The following ZNF346 variants were observed in gnomAD, a reference collection of about 807,000 sequenced individuals.
ZNF346 encodes zinc finger protein 346.
A neutral mutation model predicts 33.7 loss-of-function variants in ZNF346; 23 were observed. That is an observed-to-expected ratio of 0.68 (90% confidence interval 0.49 to 0.97). ZNF346 has a LOEUF of 0.97. Ranked by LOEUF, ZNF346 falls within the 50% of genes least tolerant of loss-of-function variation. The pLI is 0.00. For missense variants in ZNF346, 340 were observed against 371.1 expected (o/e 0.92, Z 0.69); for synonymous variants, 134 against 142.4 (o/e 0.94, Z 0.42).
downstream of ZNF346, among the ~76,000 whole-genome samples, chr5:177,070,518 A>C (rs571175457): frequency 6.6e-6 from 1 of 152,182 alleles, no homozygotes; most frequent in African/African-American, 2.4e-5. Flanking sequence ...GCTAAGGTTC[A>C]GATCCCAGCT....
intron 6 of ZNF346, 107 bp downstream of exon 6, chr5:177,062,258 T>G: frequency 1.2e-6 from 1 of 848,806 alleles, no homozygotes; most frequent in Non-Finnish European, 1.9e-6. Flanking sequence ...CTGGCAGTCT[T>G]TTTTCAGTGA....
At chr5:177,027,006 C>T (rs951347708) in intron 1 of ZNF346, among the ~76,000 whole-genome samples, 1 of 152,084 alleles carries the variant, frequency 6.6e-6, no homozygotes, top group African/African-American at 2.4e-5. Flanking sequence ...ATTTTAATAT[C>T]TCTCTGGGCC....
rs1561951124 is a variant in ZNF346, at chr5:177,022,897, G to T, written c.159G>T (p.Pro53=). ...GGGAAGCCGTGTCCGGTGCCCAGCCGGTGGGTAGAGAGGAAGGTGAGTCGG... is the reference window on the plus strand; with the variant it reads ...GGGAAGCCGTGTCCGGTGCCCAGCCTGTGGGTAGAGAGGAAGGTGAGTCGG... The part of the protein sequence containing the change: ...RLWEAVSGAQ[P]VGREEVEHMI... Residue 53 remains proline, a synonymous_variant, in exon 1 of 7, where the codon CCG becomes CCT. Transcript: ENST00000358149. 6.7e-7 allele frequency: 1 copy of T among 1,495,166 alleles called. No homozygotes were observed. Among genetic ancestry groups the T allele is most frequent in the East Asian group, 2.5e-5 (1 of 39,778 alleles). 92.6% of individuals were successfully genotyped at this position (1,495,166 alleles called of 1,614,324 possible).
At position 177,067,107 on chromosome 5, in the gene ZNF346, G is replaced by A. The variant is rs145249138; in HGVS notation, c.*2508G>A. Reference sequence around the variant, plus strand: ...ATTTTAAAAGAAGGTAGCCAGGTGTGGTGGTGCATTCCTGTAGTCCTGGCT... The same window carrying A: ...ATTTTAAAAGAAGGTAGCCAGGTGTAGTGGTGCATTCCTGTAGTCCTGGCT... On this transcript the variant is annotated 3_prime_UTR_variant, in exon 7 of 7. Transcript: ENST00000358149. 5.5e-3 allele frequency among the ~76,000 whole-genome samples: 837 copies of A among 152,184 alleles called. 4 individuals are homozygous for A. Among genetic ancestry groups the A allele is most frequent in the Non-Finnish European group, 8.1e-3 (549 of 67,988 alleles).
At chr5:177,053,328 A>AC (rs1781219361) in intron 5 of ZNF346, among the ~76,000 whole-genome samples, 1 of 151,426 alleles carries the variant, frequency 6.6e-6, no homozygotes, top group African/African-American at 2.4e-5. Flanking sequence ...AAAAAAAAAA[A>AC]AAAAAAAAAA....
chr5:177,042,503 C>T (rs111387195), intron 3 of ZNF346, among the ~76,000 whole-genome samples: 1 of 151,554 alleles, frequency 6.6e-6, no homozygotes, highest in Non-Finnish European at 1.5e-5. Context: ...GTGAACTTCC[C>T]CCATAAAGTA....
Position 177,050,812 on chromosome 5 carries a change from T to G in ZNF346, c.579T>G (p.Thr193=). 1.9e-6 allele frequency: 3 copies of G among 1,614,184 alleles called. No individual in the cohort carries two copies. The highest frequency in any genetic ancestry group is 2.5e-6 in the Non-Finnish European group (3 of 1,180,026). Residue 193 remains threonine, a synonymous_variant, in exon 5 of 7, where the codon ACT becomes ACG. Coordinates refer to ENST00000358149, the MANE Select transcript of ZNF346 (RefSeq NM_012279.4). The part of the protein sequence containing the change: ...PDKFCSLCHA[T]FNDPVMAQQH... Reference sequence around the variant, plus strand: ...AGTTCTGCAGCCTCTGCCATGCAACTTTCAACGACCCTGTCATGGCTCAAC... The same window carrying G: ...AGTTCTGCAGCCTCTGCCATGCAACGTTCAACGACCCTGTCATGGCTCAAC...
chr5:177,049,000 G>A (rs1780496311), intron 4 of ZNF346, among the ~76,000 whole-genome samples: 1 of 151,730 alleles, frequency 6.6e-6, no homozygotes, highest in Non-Finnish European at 1.5e-5. Flanking sequence ...TGGCCAGGCT[G>A]GTCTCAGAAC....
chr5:177,077,100 TAGTC>T lies in ZNF346; in HGVS notation c.*3-2279_*3-2276del, dbSNP rs1257844461. Among the ~76,000 whole-genome samples the T allele has an allele frequency of 3.9e-5, 6 of 152,166 alleles. No individual in the cohort carries two copies. The highest frequency in any genetic ancestry group is 6.5e-5 in the Admixed American group (1 of 15,278). ...TGAATAATTTTTTCTTTAACACCAA[TAGTC>T]AGCCAAATATTTGTTATGTAAAGTC... On this transcript the variant is annotated intron_variant, in intron 8 of 8. Transcript: ENST00000503039. The surrounding 1 kb of genome is among the most constrained non-coding windows in gnomAD (Gnocchi z 5.0).
chr5:177,024,343 T>C (rs1341473711), intron 1 of ZNF346, among the ~76,000 whole-genome samples: 1 of 151,478 alleles, frequency 6.6e-6, no homozygotes, highest in Non-Finnish European at 1.5e-5. Flanking sequence ...GATTACAGGC[T>C]GCTGCCATGA....
intron 5 of ZNF346, among the ~76,000 whole-genome samples, chr5:177,060,394 G>A (rs973954886): frequency 4.6e-5 from 7 of 151,806 alleles, no homozygotes; most frequent in Admixed American, 3.9e-4. Flanking sequence ...GGTGGTGCAC[G>A]CCTGTAATGC....
chr5:177,048,239 G>A (rs902324873), intron 4 of ZNF346, among the ~76,000 whole-genome samples: 3 of 152,130 alleles, frequency 2.0e-5, no homozygotes, highest in African/African-American at 7.2e-5. Context: ...CACTTCTGAT[G>A]CTTCTGTTCA....
chr5:177,033,940 A>C (rs1581811042), intron 1 of ZNF346, among the ~76,000 whole-genome samples: 1 of 152,330 alleles, frequency 6.6e-6, no homozygotes, highest in East Asian at 1.9e-4. Flanking sequence ...GGAGCATAGC[A>C]GTGCAATCCT....
At chr5:177,034,256 A>G (rs942585437) in intron 1 of ZNF346, among the ~76,000 whole-genome samples, 1 of 147,556 alleles carries the variant, frequency 6.8e-6, no homozygotes, top group African/African-American at 2.6e-5. Context: ...CCCAGGATGG[A>G]GGCTGAAGTG....
intron 3 of ZNF346, among the ~76,000 whole-genome samples, chr5:177,043,763 TA>T (rs61653355): frequency 0.015 from 2,158 of 144,188 alleles, 51 homozygotes; most frequent in African/African-American, 0.05. Context: ...GACCCTGTCT[TA>T]AAAAAAAAAA....
chr5:177,052,569 A>T (rs1199369259), intron 5 of ZNF346: 2 of 152,106 alleles, frequency 1.3e-5, no homozygotes, highest in Non-Finnish European at 2.9e-5. Context: ...AGCGGATTAG[A>T]TCAGAATCTC....
chr5:177,064,776 CT>C lies in ZNF346; in HGVS notation c.*180del. The C allele has an allele frequency of 1.6e-6, 1 of 608,894 alleles. No individual in the cohort carries two copies. Among genetic ancestry groups the C allele is most frequent in the Non-Finnish European group, 2.9e-6 (1 of 339,832 alleles). 37.7% of individuals were successfully genotyped at this position (608,894 alleles called of 1,614,324 possible). On this transcript the variant is annotated 3_prime_UTR_variant, in exon 7 of 7. Transcript: ENST00000358149. Reference sequence around the variant, plus strand: ...GGGCTAATTCACTCCTGCTGCTCCCCTTTGGCAGGGGTCCTGTAGGTCATGA... The same window carrying C: ...GGGCTAATTCACTCCTGCTGCTCCCCTTGGCAGGGGTCCTGTAGGTCATGA...
intron 4 of ZNF346, among the ~76,000 whole-genome samples, chr5:177,045,500 G>T (rs1252882799): frequency 2.6e-5 from 4 of 151,838 alleles, no homozygotes; most frequent in Admixed American, 6.6e-5. Flanking sequence ...GACTACAGGT[G>T]CCCACCACCA....
chr5:177,064,655 C>G lies in ZNF346; in HGVS notation c.*56C>G. 4 of 1,399,106 alleles carry G rather than the reference C, an allele frequency of 2.9e-6. No homozygotes were observed. Among genetic ancestry groups the G allele is most frequent in the Non-Finnish European group, 4.1e-6 (4 of 984,072 alleles). The allele number at this position is 1,399,106 out of a possible 1,614,324, so 86.7% of individuals were successfully genotyped here. ...CCAGCCATGAGCCAGCTTCCCGTGA[C>G]TGCTCAGCCCTTGGCTCCCTCTTGC... is the stretch of plus-strand genomic sequence containing the variant. On this transcript the variant is annotated 3_prime_UTR_variant, in exon 7 of 7. Coordinates refer to ENST00000358149, the MANE Select transcript of ZNF346 (RefSeq NM_012279.4).
Sources: gnomAD v4.1 joint callset for allele counts (sites outside exome capture counted in the v4.1 genomes callset) on GRCh38, gnomAD v4.1.1 for gene constraint, Gnocchi (gnomAD v3.1) non-coding constraint, MANE v1.5 for transcripts, NCBI Gene and HGNC (gene_info 2026-07-23, HGNC 2026-07-21) for gene names.